EIF5A2: variants seen among roughly 807,000 people sequenced by gnomAD.
EIF5A2 encodes eukaryotic translation initiation factor 5A2.
In EIF5A2, 15 loss-of-function variants were observed where a neutral mutation model predicts 16.4. That is an observed-to-expected ratio of 0.92 (90% confidence interval 0.61 to 1.41). EIF5A2 has a LOEUF of 1.41. EIF5A2 is among the 40% of genes most tolerant of loss of function. The pLI, the probability that EIF5A2 is intolerant of heterozygous loss-of-function variation, is 0.00. For synonymous variants in EIF5A2, 48 were observed against 61.1 expected, an observed-to-expected ratio of 0.79 and a Z score of 1.00; for missense variants, 144 against 189.5, an observed-to-expected ratio of 0.76 and a Z score of 1.41.
Position 170,892,456 on chromosome 3 carries a change from G to T in EIF5A2, c.*904C>A. ...AAAAAAAAAAAAAAAAAAGGAAGTT[G>T]GAAAGGAGTATTTACTGATAAATAT... On this transcript the variant is annotated 3_prime_UTR_variant, in exon 5 of 5. Coordinates refer to ENST00000295822, the MANE Select transcript of EIF5A2 (RefSeq NM_020390.6). 1 of 205,370 alleles carries T rather than the reference G, an allele frequency of 4.9e-6. No individual in the cohort carries two copies. Among genetic ancestry groups the T allele is most frequent in the East Asian group, 9.7e-5 (1 of 10,300 alleles). 12.7% of individuals were successfully genotyped at this position (205,370 alleles called of 1,614,324 possible).
chr3:170,902,920 A>G (rs910213358), intron 3 of EIF5A2, among the ~76,000 whole-genome samples: 38 of 151,884 alleles, frequency 2.5e-4, no homozygotes, highest in Admixed American at 2.5e-3. Context: ...TTCTTTTTGT[A>G]GCTTCTCTCA....
intron 2 of EIF5A2, 71 bp from the exon 3 acceptor site, chr3:170,907,164 A>G (rs1712956177): frequency 1.1e-6 from 1 of 952,356 alleles, no homozygotes; most frequent in Non-Finnish European, 1.6e-6. Flanking sequence ...ACAAGAGCAC[A>G]ATACCAATGC....
rs1712613685 is a variant in EIF5A2 at position 170,894,319 on chromosome 3, T to C, written c.375A>G (p.Gly125=). 4.3e-6 allele frequency: 7 copies of C among 1,614,016 alleles called. No homozygotes were observed. Among genetic ancestry groups the C allele is most frequent in the Non-Finnish European group, 5.9e-6 (7 of 1,179,944 alleles). Reference sequence around the variant, plus strand: ...GTACATCTTCACCTGCATTGTATTTTCCCTCTATTTCTTTGCCTAGTTCAC... The same window carrying C: ...GTACATCTTCACCTGCATTGTATTTCCCCTCTATTTCTTTGCCTAGTTCAC... ...PEGELGKEIE[G]KYNAGEDVQV... is the part of the protein sequence containing the mutation. Residue 125 remains glycine (G), a synonymous_variant, in exon 4 of 5, where the codon GGA becomes GGG. Transcript: ENST00000295822.
chr3:170,908,049 G>C (rs68189323), intron 1 of EIF5A2, among the ~76,000 whole-genome samples: 1 of 152,054 alleles, frequency 6.6e-6, no homozygotes, highest in South Asian at 2.1e-4. Context: ...AAGTCGCAGA[G>C]GAGCTCGCTG....
intron 3 of EIF5A2, among the ~76,000 whole-genome samples, chr3:170,900,410 C>CCTACTAAAATA (rs1167462749): frequency 5.4e-5 from 8 of 147,768 alleles, no homozygotes; most frequent in Non-Finnish European, 1.0e-4. Flanking sequence ...TTTTTTATTT[C>CCTACTAAAATA]CTACTAAAAT....
Position 170,889,330 on chromosome 3 carries a change from A to G in EIF5A2, c.*4030T>C, listed in dbSNP as rs1275325534. The G allele has an allele frequency of 6.6e-6, 1 of 152,464 alleles. No homozygotes were observed. 9.4% of individuals were successfully genotyped at this position (152,464 alleles called of 1,614,324 possible). A position where few individuals can be genotyped will look rare whatever the true frequency, so the allele number is the denominator to read the frequency against. On this transcript the variant is annotated 3_prime_UTR_variant, in exon 5 of 5. Transcript: ENST00000295822. The stretch of plus-strand genomic sequence containing the variant: ...TGGCTTCAAGCCATGTTCCCATAGA[A>G]CATCTGTGTTTCATAAGCTAAATCC...
chr3:170,892,509 C>A lies in EIF5A2; in HGVS notation c.*851G>T. On this transcript the variant is annotated 3_prime_UTR_variant, in exon 5 of 5. Transcript: ENST00000295822. ...CTATTTATTCAACATAGTTGGAAAA[C>A]AAGCATTGCATAGTATCATGTAAAG... 8 of 307,634 alleles carry A rather than the reference C, an allele frequency of 2.6e-5. No homozygotes were observed. Among genetic ancestry groups the A allele is most frequent in the East Asian group, 9.9e-5 (2 of 20,152 alleles). The allele number at this position is 307,634 out of a possible 1,614,324, so 19.1% of individuals were successfully genotyped here.
rs1266480232 is a variant in EIF5A2, at chr3:170,892,582, A to C, written c.*778T>G. 2 of 395,068 alleles carry C rather than the reference A, an allele frequency of 5.1e-6. No homozygotes were observed. The highest frequency in any genetic ancestry group is 4.1e-5 in the African/African-American group (2 of 48,568). The allele number at this position is 395,068 out of a possible 1,614,324, so 24.5% of individuals were successfully genotyped here. A position where few individuals can be genotyped will look rare whatever the true frequency, so the allele number is the denominator to read the frequency against. ...GGGGGCAAAGTTAAAAGCAAAAACA[A>C]CTGAGAAACAACTTTTCATTTTTAT... On this transcript the variant is annotated 3_prime_UTR_variant, in exon 5 of 5. Coordinates refer to ENST00000295822, the MANE Select transcript of EIF5A2 (RefSeq NM_020390.6).
At chr3:170,907,186 G>T in intron 2 of EIF5A2, 93 bp from the exon 3 acceptor site, 2 of 741,362 alleles carry the variant, frequency 2.7e-6, no homozygotes, top group South Asian at 2.6e-5. Context: ...GATTACAACA[G>T]ATTCTTTTTC....
intron 2 of EIF5A2, 60 bp downstream of exon 2, chr3:170,907,582 G>A: frequency 6.8e-7 from 1 of 1,467,082 alleles, no homozygotes; most frequent in Non-Finnish European, 9.1e-7. Context: ...ATCTGTAACG[G>A]AATACAAATG....
At chr3:170,895,101 T>C (rs1260483177) in intron 3 of EIF5A2, among the ~76,000 whole-genome samples, 1 of 151,436 alleles carries the variant, frequency 6.6e-6, no homozygotes, top group Non-Finnish European at 1.5e-5. Context: ...ATATGTCTTA[T>C]AAATACTTTC....
At chr3:170,898,771 AC>A (rs1191140421) in intron 3 of EIF5A2, among the ~76,000 whole-genome samples, 1 of 152,042 alleles carries the variant, frequency 6.6e-6, no homozygotes, top group Admixed American at 6.6e-5. Context: ...CATATCCTTT[AC>A]CTAGATACAT....
At chr3:170,895,632 C>T (rs1712651197) in intron 3 of EIF5A2, among the ~76,000 whole-genome samples, 1 of 152,108 alleles carries the variant, frequency 6.6e-6, no homozygotes, top group African/African-American at 2.4e-5. Context: ...CCACATACAC[C>T]ATCTACCAAA....
At position 170,890,736 on chromosome 3, in the gene EIF5A2, C is replaced by T. The variant is rs1019245332; in HGVS notation, c.*2624G>A. The stretch of plus-strand genomic sequence containing the variant: ...AGTCCACATTCTATACATGGTAACT[C>T]GTGATTTTTAACATTTGCTACAAAA... On this transcript the variant is annotated 3_prime_UTR_variant, in exon 5 of 5. Coordinates refer to ENST00000295822, the MANE Select transcript of EIF5A2 (RefSeq NM_020390.6). 4 of 152,470 alleles carry T rather than the reference C, an allele frequency of 2.6e-5. No homozygotes were observed. The highest frequency in any genetic ancestry group is 5.9e-5 in the Non-Finnish European group (4 of 67,972). 9.4% of individuals were successfully genotyped at this position (152,470 alleles called of 1,614,324 possible).
At chr3:170,897,721 C>T in intron 3 of EIF5A2, among the ~76,000 whole-genome samples, 1 of 152,232 alleles carries the variant, frequency 6.6e-6, no homozygotes, top group Non-Finnish European at 1.5e-5. Flanking sequence ...TCTGCTAGGG[C>T]AGTGTGGAAG....
At position 170,893,397 on chromosome 3, in the gene EIF5A2, C is replaced by G; in HGVS notation, c.425G>C (p.Ser142Thr). Residue 142 changes from serine to threonine, a missense_variant, in exon 5 of 5, where the codon AGT (serine) becomes ACT (threonine). Physicochemically the swap from Ser to Thr is moderately conservative, Grantham distance 58 (BLOSUM62 1). Coordinates refer to ENST00000295822, the MANE Select transcript of EIF5A2 (RefSeq NM_020390.6). Reference sequence around the variant, plus strand: ...TTTTATGGCTACAGCATATTCTTCACTCATTGCACACATGACAGACACCTA... The same window carrying G: ...TTTTATGGCTACAGCATATTCTTCAGTCATTGCACACATGACAGACACCTA... ...DVQVSVMCAM[S>T]EEYAVAIKPC... 1.2e-6 allele frequency: 2 copies of G among 1,613,882 alleles called. No homozygotes were observed. The highest frequency in any genetic ancestry group is 1.7e-6 in the Non-Finnish European group (2 of 1,179,960).
intron 1 of EIF5A2, among the ~76,000 whole-genome samples, chr3:170,908,209 C>A (rs1712991312): frequency 6.6e-6 from 1 of 152,198 alleles, no homozygotes; most frequent in African/African-American, 2.4e-5. Context: ...CCAGCCCAGG[C>A]CGCAGGTCCC....
At chr3:170,894,458 G>A (rs758650094) in intron 3 of EIF5A2, 35 bp from the exon 4 acceptor site, 27 of 1,603,948 alleles carry the variant, frequency 1.7e-5, no homozygotes, top group Non-Finnish European at 2.1e-5. Context: ...GTGCTGATTA[G>A]ATTATATCCA....
At chr3:170,894,574 A>T in intron 3 of EIF5A2, 151 bp from the exon 4 acceptor site, 1 of 606,124 alleles carries the variant, frequency 1.6e-6, no homozygotes, top group Non-Finnish European at 2.6e-6. Flanking sequence ...AAATATAAAA[A>T]ATATAAAATA....
Sources: gnomAD v4.1 joint callset for allele counts (sites outside exome capture counted in the v4.1 genomes callset) on GRCh38, gnomAD v4.1.1 for gene constraint, MANE v1.5 for transcripts, NCBI Gene and HGNC (gene_info 2026-07-23, HGNC 2026-07-21) for gene names.